ROCK2: variants seen among roughly 807,000 people sequenced by gnomAD.
ROCK2 encodes rho-associated protein kinase 2.
ROCK2 carries 61 observed loss-of-function variants against 195.1 expected under a neutral mutation model. The observed-to-expected ratio is 0.31, with a 90% CI of 0.25 to 0.39. The LOEUF is 0.39. ROCK2 is among the 10% of genes least tolerant of loss of function. ROCK2 has a pLI of 1.00. For synonymous variants in ROCK2, 504 were observed against 545.5 expected, an observed-to-expected ratio of 0.92 and a Z score of 1.06; for missense variants, 1,109 against 1,637.4, an observed-to-expected ratio of 0.68 and a Z score of 5.57.
At chr2:11,303,497 C>G (rs1256082827) in intron 1 of ROCK2, among the ~76,000 whole-genome samples, 2 of 152,158 alleles carry the variant, frequency 1.3e-5, no homozygotes, top group Non-Finnish European at 2.9e-5. Flanking sequence ...CCCATTCCCT[C>G]TTGCTCATTA....
At chr2:11,198,871 C>T in intron 23 of ROCK2, 97 bp from the exon 24 acceptor site, 2 of 731,448 alleles carry the variant, frequency 2.7e-6, no homozygotes, top group South Asian at 2.0e-5. Context: ...TATTGTTAAA[C>T]CTCTTATTTT....
At position 11,198,572 on chromosome 2, in the gene ROCK2, C is replaced by T. The variant is rs200396887; in HGVS notation, c.3018G>A (p.Leu1006=). The change falls in exon 25 of 33, where the codon TTG becomes TTA. Residue 1006 remains leucine, a synonymous_variant. Coordinates refer to ENST00000315872, the MANE Select transcript of ROCK2 (RefSeq NM_004850.5). ...LKDVQEQLSR[L]KDEEISAAAI... is the part of the protein sequence containing the mutation. Reference sequence around the variant, plus strand: ...CTGCTGCGCTTATTTCTTCATCTTTCAATCTTGACAGTTCTGAAACATGGA... The same window carrying T: ...CTGCTGCGCTTATTTCTTCATCTTTTAATCTTGACAGTTCTGAAACATGGA... The T allele has an allele frequency of 1.9e-5, 31 of 1,613,070 alleles. No individual in the cohort carries two copies. The highest frequency in any genetic ancestry group is 2.4e-5 in the Non-Finnish European group (28 of 1,179,612).
At position 11,207,897 on chromosome 2, in the gene ROCK2, G is replaced by A. The variant is rs368029536; in HGVS notation, c.2378C>T (p.Thr793Ile). Reference protein sequence around the residue: ...DVLNEDVRNLTLKIEQETQKR... With the variant: ...DVLNEDVRNLILKIEQETQKR... ...CTGAGTTTCTTGCTCTATTTTTAAT[G>A]TCAGGTTTCTAACCTAAGAAATAAA... The change falls in exon 20 of 33, where the codon ACA becomes ATA. Residue 793 changes from threonine to isoleucine, a missense_variant. Physicochemically the swap from Thr to Ile is moderately conservative, Grantham distance 89. This residue lies in a region of ROCK2 where 542 missense variants were observed against 672.0 expected (regional missense o/e 0.81). Coordinates refer to ENST00000315872, the MANE Select transcript of ROCK2 (RefSeq NM_004850.5). The A allele has an allele frequency of 2.1e-5, 33 of 1,578,264 alleles. No individual in the cohort carries two copies. Among genetic ancestry groups the A allele is most frequent in the Non-Finnish European group, 2.4e-5 (28 of 1,163,892 alleles).
At chr2:11,255,148 C>T (rs891414863) in intron 3 of ROCK2, among the ~76,000 whole-genome samples, 4 of 142,856 alleles carry the variant, frequency 2.8e-5, no homozygotes, top group Admixed American at 7.2e-5. Flanking sequence ...ACCCAGGAGG[C>T]GGAGCTTGCA....
At chr2:11,238,209 A>AGAGTGTGTGTGTGTGTGT (rs1553303927) in intron 4 of ROCK2, among the ~76,000 whole-genome samples, 1 of 135,266 alleles carries the variant, frequency 7.4e-6, no homozygotes, top group Non-Finnish European at 1.6e-5. Flanking sequence ...ATTGAGAAAG[A>AGAGTGTGTGTGTGTGTGT]GTGTGTGTGT....
At chr2:11,253,560 T>C (rs1665912501) in intron 3 of ROCK2, among the ~76,000 whole-genome samples, 1 of 152,254 alleles carries the variant, frequency 6.6e-6, no homozygotes, top group Admixed American at 6.5e-5. Flanking sequence ...ATTTTTGATG[T>C]TGTTTCTTTG....
At chr2:11,285,323 G>A (rs893496944) in intron 3 of ROCK2, among the ~76,000 whole-genome samples, 2 of 151,384 alleles carry the variant, frequency 1.3e-5, no homozygotes, top group South Asian at 4.2e-4. Context: ...CTTTCTTGGA[G>A]GTCTCTGTCC....
At chr2:11,329,482 C>A (rs1158697559) in intron 1 of ROCK2, among the ~76,000 whole-genome samples, 4 of 148,512 alleles carry the variant, frequency 2.7e-5, no homozygotes, top group Non-Finnish European at 5.9e-5. Flanking sequence ...AAAAAAAAAC[C>A]GTAACTTCTT....
chr2:11,219,112 A>G lies in ROCK2; in HGVS notation c.1260-86T>C, dbSNP rs1479781927. 15 of 649,296 alleles carry G rather than the reference A, an allele frequency of 2.3e-5. No homozygotes were observed. The Admixed American group carries it at 4.3e-4, about 19-fold the overall frequency. 40.2% of individuals were successfully genotyped at this position (649,296 alleles called of 1,614,324 possible). ...ATTCAAGTTATTCTCAGACTTAAATATCAAACACAGATTTCTCTCTTTTCC... is the reference window on the plus strand; with the variant it reads ...ATTCAAGTTATTCTCAGACTTAAATGTCAAACACAGATTTCTCTCTTTTCC... On this transcript the variant is annotated intron_variant, in intron 9 of 32. Coordinates refer to ENST00000315872, the MANE Select transcript of ROCK2 (RefSeq NM_004850.5).
At chr2:11,269,822 C>T (rs186595957) in intron 3 of ROCK2, among the ~76,000 whole-genome samples, 2 of 152,322 alleles carry the variant, frequency 1.3e-5, no homozygotes, top group East Asian at 1.9e-4. Context: ...ATGATCATGG[C>T]TCACAGGAGC....
intron 20 of ROCK2, among the ~76,000 whole-genome samples, chr2:11,203,532 G>T (rs1324995200): frequency 6.6e-6 from 1 of 151,982 alleles, no homozygotes; most frequent in African/African-American, 2.4e-5. Flanking sequence ...CACCACTTGG[G>T]TATTTTTAAA....
At chr2:11,210,449 C>G (rs1230084986) in intron 18 of ROCK2, among the ~76,000 whole-genome samples, 3 of 151,808 alleles carry the variant, frequency 2.0e-5, no homozygotes, top group Non-Finnish European at 4.4e-5. Flanking sequence ...TGCAGGAATA[C>G]TGAGAGTCCT....
At chr2:11,322,040 G>GC (rs1030021532) in intron 1 of ROCK2, among the ~76,000 whole-genome samples, 12 of 152,116 alleles carry the variant, frequency 7.9e-5, no homozygotes, top group Admixed American at 7.9e-4. Context: ...GGGTACACAA[G>GC]CAAGAGGAAA....
rs1286506256 is a variant in ROCK2, at chr2:11,180,455, C to T, written c.*2982G>A. The T allele has an allele frequency of 6.6e-6, 1 of 152,188 alleles. No individual in the cohort carries two copies. Among genetic ancestry groups the T allele is most frequent in the Non-Finnish European group, 1.5e-5 (1 of 68,016 alleles). The allele number at this position is 152,188 out of a possible 1,614,324, so 9.4% of individuals were successfully genotyped here. A position where few individuals can be genotyped will look rare whatever the true frequency, so the allele number is the denominator to read the frequency against. On this transcript the variant is annotated 3_prime_UTR_variant, in exon 33 of 33. Transcript: ENST00000315872. ...ATTAGTTAGCTGGAACATTTTAAAA[C>T]TTTCATATAGATTTTTAAAACTTGT...
chr2:11,292,540 T>C (rs1345964477), intron 1 of ROCK2, among the ~76,000 whole-genome samples: 1 of 152,124 alleles, frequency 6.6e-6, no homozygotes, highest in Non-Finnish European at 1.5e-5. Flanking sequence ...AATAAAATAA[T>C]AAACTTAATT....
intron 3 of ROCK2, among the ~76,000 whole-genome samples, chr2:11,250,102 T>G (rs1665778407): frequency 6.6e-6 from 1 of 152,144 alleles, no homozygotes; most frequent in Non-Finnish European, 1.5e-5. Context: ...TAACCAACTT[T>G]AAGAATGAGA....
At chr2:11,183,904 G>C (rs1558269628) in intron 32 of ROCK2, among the ~76,000 whole-genome samples, 1 of 152,082 alleles carries the variant, frequency 6.6e-6, no homozygotes, top group East Asian at 1.9e-4. Flanking sequence ...ATATATACAA[G>C]CTACTCTATG....
At chr2:11,336,540 T>C (rs892209230) in intron 1 of ROCK2, among the ~76,000 whole-genome samples, 3 of 146,658 alleles carry the variant, frequency 2.0e-5, no homozygotes, top group Non-Finnish European at 3.0e-5. Context: ...CATGAACCAC[T>C]GTGCCCAGCC....
chr2:11,239,253 T>C (rs959610713), intron 4 of ROCK2, among the ~76,000 whole-genome samples: 1 of 152,156 alleles, frequency 6.6e-6, no homozygotes, highest in Non-Finnish European at 1.5e-5. Flanking sequence ...GCTTGAAAGA[T>C]ACTATTAATA....
Sources: allele counts gnomAD v4.1 joint callset (sites outside exome capture counted in the v4.1 genomes callset), GRCh38; gene constraint gnomAD v4.1.1; regional missense constraint gnomAD v4.1.1; transcripts MANE v1.5; gene names NCBI Gene and HGNC (gene_info 2026-07-23, HGNC 2026-07-21).